Variants in PPP2R2C observed in about 807,000 individuals in gnomAD.
PPP2R2C encodes the protein protein phosphatase 2, regulatory subunit B, gamma.
In PPP2R2C, 10 loss-of-function variants were observed where a neutral mutation model predicts 45.3. The ratio of observed to expected loss-of-function variants is 0.22; its 90% CI spans 0.14 to 0.37. The LOEUF is 0.37. PPP2R2C is among the 10% of genes least tolerant of loss of function. PPP2R2C has a pLI of 1.00. For synonymous variants in PPP2R2C, 257 were observed against 245.4 expected (o/e 1.05, Z -0.44); for missense variants, 308 against 619.7 (o/e 0.50, Z 5.34).
chr4:6,397,848 G>A (rs1717148956), intron 1 of PPP2R2C, among the ~76,000 whole-genome samples: 1 of 152,130 alleles, frequency 6.6e-6, no homozygotes, highest in Non-Finnish European at 1.5e-5. Flanking sequence ...AAATGACTTT[G>A]CAATAAATAA....
intron 1 of PPP2R2C, among the ~76,000 whole-genome samples, chr4:6,535,595 C>T (rs1279912173): frequency 2.6e-5 from 4 of 152,188 alleles, no homozygotes; most frequent in Admixed American, 2.0e-4. Flanking sequence ...GAAATGGGGA[C>T]GACACACCAC....
chr4:6,438,909 G>A (rs368925953), intron 1 of PPP2R2C, among the ~76,000 whole-genome samples: 2 of 152,140 alleles, frequency 1.3e-5, no homozygotes, highest in Non-Finnish European at 2.9e-5. Flanking sequence ...GACACAGTGC[G>A]GGCACAGAGC....
intron 5 of PPP2R2C, among the ~76,000 whole-genome samples, chr4:6,360,582 C>T (rs1228224919): frequency 2.0e-5 from 3 of 152,328 alleles, no homozygotes; most frequent in East Asian, 1.9e-4. Flanking sequence ...AAAGGACTCA[C>T]GCATGAGCTC....
chr4:6,395,980 T>C (rs1577144301), intron 1 of PPP2R2C, among the ~76,000 whole-genome samples: 2 of 152,258 alleles, frequency 1.3e-5, no homozygotes, highest in African/African-American at 2.4e-5. Flanking sequence ...AGGAGTGGCT[T>C]TGGAGATGTT....
rs114312824 is a variant in PPP2R2C, at chr4:6,364,899, C to T, written c.625+7624G>A. The stretch of plus-strand genomic sequence containing the variant: ...TGGACGATGGGATCACAGGACTCAT[C>T]GAGGCTTGAGCAAGAAGAAGACTAT... On this transcript the variant is annotated intron_variant, in intron 5 of 8. Coordinates refer to ENST00000382599, the MANE Select transcript of PPP2R2C (RefSeq NM_020416.4). This position sits in a 1 kb window ranked among gnomAD's most constrained non-coding sequence, Gnocchi z 5.3. Among the ~76,000 whole-genome samples the T allele has an allele frequency of 3.0e-3, 452 of 152,230 alleles. 4 individuals are homozygous for T. The highest frequency in any genetic ancestry group is 9.1e-3 in the African/African-American group (377 of 41,540).
intron 1 of PPP2R2C, among the ~76,000 whole-genome samples, chr4:6,468,956 C>A (rs1034440819): frequency 9.9e-5 from 15 of 151,786 alleles, no homozygotes; most frequent in Non-Finnish European, 1.8e-4. Flanking sequence ...TCTCCCCACA[C>A]CCTGACCCCA....
intron 1 of PPP2R2C, among the ~76,000 whole-genome samples, chr4:6,434,972 G>C (rs528218970): frequency 2.6e-5 from 4 of 152,150 alleles, no homozygotes; most frequent in South Asian, 4.1e-4. Context: ...ACTTCTCTAT[G>C]TCTTTCTGTT....
chr4:6,348,092 C>G, intron 5 of PPP2R2C, 82 bp from the exon 6 acceptor site: 4 of 1,509,520 alleles, frequency 2.6e-6, no homozygotes, highest in Non-Finnish European at 2.7e-6. Flanking sequence ...ACACCTCTCC[C>G]GAGGCAAAAC....
At chr4:6,529,440 TG>T (rs1210915065) in intron 2 of PPP2R2C, among the ~76,000 whole-genome samples, 1 of 152,180 alleles carries the variant, frequency 6.6e-6, no homozygotes, top group Non-Finnish European at 1.5e-5. Flanking sequence ...CCAAGCTGCA[TG>T]GGCCCCATGG....
intron 2 of PPP2R2C, among the ~76,000 whole-genome samples, chr4:6,488,123 A>C (rs1460563498): frequency 6.6e-6 from 1 of 152,106 alleles, no homozygotes; most frequent in Non-Finnish European, 1.5e-5. Flanking sequence ...TCTTTCCTCT[A>C]GCTTTTAGAA....
At chr4:6,519,971 C>A (rs537505851) in intron 2 of PPP2R2C, among the ~76,000 whole-genome samples, 13 of 152,236 alleles carry the variant, frequency 8.5e-5, no homozygotes, top group South Asian at 2.1e-4. Flanking sequence ...TTTGCCCCTG[C>A]AATTCTGCCT....
chr4:6,395,046 G>T (rs560808660), intron 1 of PPP2R2C, among the ~76,000 whole-genome samples: 3 of 152,094 alleles, frequency 2.0e-5, no homozygotes, highest in African/African-American at 7.2e-5. Context: ...CCTCTCACCC[G>T]CGAGCCTGCA....
At chr4:6,536,117 G>T (rs1410530668) in intron 1 of PPP2R2C, among the ~76,000 whole-genome samples, 1 of 152,142 alleles carries the variant, frequency 6.6e-6, no homozygotes, top group African/African-American at 2.4e-5. Context: ...AGGGATGAGG[G>T]TTAGGTAAAT....
intron 1 of PPP2R2C, among the ~76,000 whole-genome samples, chr4:6,465,260 T>C (rs934566365): frequency 6.6e-6 from 1 of 152,076 alleles, no homozygotes; most frequent in Non-Finnish European, 1.5e-5. Flanking sequence ...ACTTCTAGCT[T>C]GTAAAATAAG....
chr4:6,562,849 C>T (rs1725622786), intron 1 of PPP2R2C, among the ~76,000 whole-genome samples: 1 of 151,896 alleles, frequency 6.6e-6, no homozygotes, highest in South Asian at 2.1e-4. Context: ...TCCCTGGGAC[C>T]CTCCGCATAA....
intron 1 of PPP2R2C, among the ~76,000 whole-genome samples, chr4:6,465,584 G>A (rs1490544044): frequency 1.3e-5 from 2 of 151,980 alleles, no homozygotes; most frequent in African/African-American, 4.8e-5. Flanking sequence ...AAGGTGCTAA[G>A]ATACAAAACC....
chr4:6,445,016 C>A (rs1011965094), intron 1 of PPP2R2C, among the ~76,000 whole-genome samples: 5 of 151,634 alleles, frequency 3.3e-5, no homozygotes, highest in Non-Finnish European at 7.4e-5. Context: ...GAGACCCCAA[C>A]TCTACAAAAA....
chr4:6,358,931 G>A (rs1489223804), intron 5 of PPP2R2C, among the ~76,000 whole-genome samples: 2 of 152,254 alleles, frequency 1.3e-5, no homozygotes, highest in African/African-American at 4.8e-5. Context: ...GTGGAAAACA[G>A]TGTGGTGATT....
At chr4:6,464,284 G>T (rs1189877872) in intron 1 of PPP2R2C, among the ~76,000 whole-genome samples, 1 of 152,190 alleles carries the variant, frequency 6.6e-6, no homozygotes, top group Non-Finnish European at 1.5e-5. Flanking sequence ...GGATCATTCT[G>T]CTCAAGGGCT....
Sources: gnomAD v4.1 joint callset for allele counts (sites outside exome capture counted in the v4.1 genomes callset) on GRCh38, gnomAD v4.1.1 for gene constraint, Gnocchi (gnomAD v3.1) non-coding constraint, MANE v1.5 for transcripts, NCBI Gene and HGNC (gene_info 2026-07-23, HGNC 2026-07-21) for gene names.